The following KCTD1 variants were observed in gnomAD, a reference collection of about 807,000 sequenced individuals.
KCTD1 encodes BTB/POZ domain-containing protein KCTD1.
KCTD1 carries 24 observed loss-of-function variants against 66.0 expected under a neutral mutation model. That is an observed-to-expected ratio of 0.36 (90% CI 0.26 to 0.51). The LOEUF is 0.51. KCTD1 is among the 20% of genes least tolerant of loss of function. The probability of loss-of-function intolerance (pLI) is 0.95; values close to 1 mark genes in which losing one functional copy is unlikely to be tolerated. For missense variants in KCTD1, 943 were observed against 1,205.2 expected (o/e 0.78, Z 3.22); for synonymous variants, 511 against 517.2 (o/e 0.99, Z 0.16).
In KCTD1 at chr18:26,635,534, T is replaced by C. The variant is rs552002928; in HGVS notation, c.-107+4777A>G. On this transcript the variant is annotated intron_variant, in intron 1 of 5. Coordinates refer to the KCTD1 transcript ENST00000579973. ...TGGCAGCCGCAGGAGCCTTCACCCA[T>C]CATGCACCCCTCTCTGCCGTTCTGA... is the stretch of plus-strand genomic sequence containing the variant. Among the ~76,000 whole-genome samples the C allele has an allele frequency of 6.6e-5, 10 of 152,344 alleles. No homozygotes were observed. In the South Asian group the frequency reaches 2.1e-3, roughly 32 times the overall value.
upstream of KCTD1, among the ~76,000 whole-genome samples, chr18:26,641,305 G>A (rs1987830277): frequency 1.3e-5 from 2 of 152,182 alleles, no homozygotes; most frequent in Admixed American, 1.3e-4. Flanking sequence ...AGAACCAGGT[G>A]CTGATTAATT....
chr18:26,457,823 A>T (rs932067336), intron 4 of KCTD1: 6 of 152,220 alleles, frequency 3.9e-5, no homozygotes, highest in African/African-American at 1.4e-4. Flanking sequence ...GTGGAGCAGG[A>T]CGCAAGGGTA....
At chr18:26,642,834 T>C (rs1180119506), upstream of KCTD1, among the ~76,000 whole-genome samples, 1 of 133,450 alleles carries the variant, frequency 7.5e-6, no homozygotes, top group Non-Finnish European at 1.5e-5. Context: ...ATGCACTAAA[T>C]GAACACACTA....
At chr18:26,482,093 G>C (rs1041506121) in intron 2 of KCTD1, among the ~76,000 whole-genome samples, 3 of 152,170 alleles carry the variant, frequency 2.0e-5, no homozygotes, top group African/African-American at 7.2e-5. Context: ...TGCATGGCTG[G>C]GTAGACACAG....
At chr18:26,504,268 C>G (rs1444386431) in intron 1 of KCTD1, among the ~76,000 whole-genome samples, 2 of 152,136 alleles carry the variant, frequency 1.3e-5, no homozygotes, top group Non-Finnish European at 1.5e-5. Context: ...GAGACAGGGT[C>G]TCACTCTGTC....
intron 1 of KCTD1, among the ~76,000 whole-genome samples, chr18:26,524,123 G>T (rs1475473908): frequency 1.3e-5 from 2 of 152,228 alleles, no homozygotes; most frequent in Non-Finnish European, 2.9e-5. Context: ...TCATTGAAAA[G>T]ATGCATCCTA....
At chr18:26,586,757 C>G (rs903558077) in intron 1 of KCTD1, among the ~76,000 whole-genome samples, 2 of 151,404 alleles carry the variant, frequency 1.3e-5, no homozygotes, top group Non-Finnish European at 2.9e-5. Context: ...GAAGATCAAA[C>G]CAGCCACAAC....
intron 1 of KCTD1, among the ~76,000 whole-genome samples, chr18:26,653,407 G>C (rs1988072440): frequency 1.3e-5 from 2 of 152,148 alleles, no homozygotes; most frequent in Non-Finnish European, 2.9e-5. Context: ...CTCAGTGTGT[G>C]GCACTTCTGA....
intron 1 of KCTD1, among the ~76,000 whole-genome samples, chr18:26,577,487 C>G (rs967455718): frequency 6.6e-6 from 1 of 151,962 alleles, no homozygotes; most frequent in African/African-American, 2.4e-5. Context: ...GAACAGGGCT[C>G]TCCTTTTCTT....
chr18:26,562,637 G>A (rs1205552169), intron 1 of KCTD1, among the ~76,000 whole-genome samples: 8 of 152,030 alleles, frequency 5.3e-5, no homozygotes, highest in Non-Finnish European at 7.3e-5. Context: ...TGTATTAATC[G>A]GCTTGGGGTA....
intron 1 of KCTD1, among the ~76,000 whole-genome samples, chr18:26,654,361 G>A (rs959958099): frequency 6.6e-6 from 1 of 152,006 alleles, no homozygotes; most frequent in African/African-American, 2.4e-5. Flanking sequence ...TACTTAAGTG[G>A]CATAATTTGT....
chr18:26,561,238 A>G (rs1985841139), intron 1 of KCTD1, among the ~76,000 whole-genome samples: 1 of 152,254 alleles, frequency 6.6e-6, no homozygotes, highest in Admixed American at 6.5e-5. Context: ...GAGTAAAAAG[A>G]AAACACATAA....
chr18:26,657,278 A>C (rs1988177982), intron 1 of KCTD1: 1 of 953,880 alleles, frequency 1.0e-6, no homozygotes, highest in East Asian at 1.2e-4. Flanking sequence ...TGCCTGGCAC[A>C]TGCGTAAAAG....
chr18:26,530,777 T>C (rs1984397537), intron 1 of KCTD1, among the ~76,000 whole-genome samples: 1 of 152,216 alleles, frequency 6.6e-6, no homozygotes, highest in Non-Finnish European at 1.5e-5. Context: ...GTAACAACTA[T>C]TTAAGGGACG....
intron 1 of KCTD1, among the ~76,000 whole-genome samples, chr18:26,511,970 A>G (rs537066399): frequency 4.3e-4 from 65 of 152,334 alleles, no homozygotes; most frequent in Non-Finnish European, 2.2e-4. Flanking sequence ...TGCATTTAGC[A>G]GGACACATCG....
chr18:26,594,413 G>A (rs1263856421), intron 1 of KCTD1, among the ~76,000 whole-genome samples: 1 of 152,022 alleles, frequency 6.6e-6, no homozygotes, highest in East Asian at 1.9e-4. Context: ...ATTTTTGTTG[G>A]GTCTCCTTAA....
intron 1 of KCTD1, among the ~76,000 whole-genome samples, chr18:26,515,202 C>T (rs1474906291): frequency 6.6e-6 from 1 of 152,192 alleles, no homozygotes; most frequent in East Asian, 1.9e-4. Flanking sequence ...ATTCAGATAG[C>T]GCCTTATGCA....
chr18:26,511,943 C>T (rs1000974154), intron 1 of KCTD1, among the ~76,000 whole-genome samples: 3 of 152,150 alleles, frequency 2.0e-5, no homozygotes, highest in African/African-American at 7.2e-5. Context: ...TTCACTCCCC[C>T]AACTCTTAGT....
At chr18:26,651,345 A>T (rs1988027785) in intron 1 of KCTD1, among the ~76,000 whole-genome samples, 1 of 152,238 alleles carries the variant, frequency 6.6e-6, no homozygotes, top group South Asian at 2.1e-4. Context: ...GTAGTCAGCC[A>T]GCTGAGTTAG....
Sources: allele counts gnomAD v4.1 joint callset (sites outside exome capture counted in the v4.1 genomes callset), GRCh38; gene constraint gnomAD v4.1.1; transcripts MANE v1.5; gene names NCBI Gene and HGNC (gene_info 2026-07-23, HGNC 2026-07-21).